The following PALD1 variants were observed in gnomAD, a reference collection of about 807,000 sequenced individuals.
The protein encoded by PALD1 is phosphatase domain containing paladin 1.
Under a neutral mutation model 96.0 loss-of-function variants are expected in PALD1, and 57 were observed. The observed-to-expected ratio is 0.59, with a 90% CI of 0.48 to 0.74. PALD1 has a LOEUF of 0.74. Among genes scored for constraint, PALD1 ranks in the 30% least tolerant of loss-of-function variants. The pLI, the probability that PALD1 is intolerant of heterozygous loss-of-function variation, is 0.00. For missense variants in PALD1, 1,063 were observed against 1,143.7 expected, an observed-to-expected ratio of 0.93 and a Z score of 1.02; for synonymous variants, 464 against 473.6, an observed-to-expected ratio of 0.98 and a Z score of 0.26.
At chr10:70,564,918 C>T (rs981844769) in intron 19 of PALD1, among the ~76,000 whole-genome samples, 13 of 152,198 alleles carry the variant, frequency 8.5e-5, no homozygotes, top group African/African-American at 1.4e-4. Context: ...CTGTGCTCCG[C>T]GAGGGCCTAG....
At chr10:70,565,290 CTGTT>C (rs1303789278) in intron 19 of PALD1, among the ~76,000 whole-genome samples, 1 of 152,242 alleles carries the variant, frequency 6.6e-6, no homozygotes, top group Non-Finnish European at 1.5e-5. Context: ...TGGATCCTCT[CTGTT>C]TGGCCTCCTG....
chr10:70,493,338 T>C (rs10740351), intron 1 of PALD1, among the ~76,000 whole-genome samples: 65,986 of 152,124 alleles, frequency 0.43, 17,001 homozygotes, highest in East Asian at 0.9. Flanking sequence ...CCTTAGTTTC[T>C]CCACCCGTGA....
chr10:70,523,981 G>A (rs1846797533), intron 1 of PALD1, among the ~76,000 whole-genome samples: 2 of 152,186 alleles, frequency 1.3e-5, no homozygotes, highest in South Asian at 4.1e-4. Flanking sequence ...AGGACAGTGA[G>A]CTCAGCCTTC....
At chr10:70,563,857 G>A (rs959293661) in intron 18 of PALD1, among the ~76,000 whole-genome samples, 1 of 152,222 alleles carries the variant, frequency 6.6e-6, no homozygotes, top group African/African-American at 2.4e-5. Flanking sequence ...CCTGCCATCG[G>A]CGCCTCCCAG....
At chr10:70,505,976 G>A (rs867822734) in intron 1 of PALD1, among the ~76,000 whole-genome samples, 1 of 151,684 alleles carries the variant, frequency 6.6e-6, no homozygotes, top group Non-Finnish European at 1.5e-5. Flanking sequence ...AACCGTGATC[G>A]TGCCACTGCA....
the PALD1 span, among the ~76,000 whole-genome samples, chr10:70,471,705 C>T: frequency 1.1e-4 from 16 of 152,306 alleles, no homozygotes; most frequent in African/African-American, 2.6e-4. Context: ...CATTTCTAGG[C>T]GAAAGTCCTA....
At chr10:70,496,162 C>T (rs541259349) in intron 1 of PALD1, among the ~76,000 whole-genome samples, 4 of 152,298 alleles carry the variant, frequency 2.6e-5, no homozygotes, top group African/African-American at 9.6e-5. Context: ...CATGTTCTTA[C>T]CCATAACCCA....
Position 70,534,480 on chromosome 10 carries a change from A to C in PALD1, c.1078A>C (p.Ser360Arg). 1 of 1,613,246 alleles carries C rather than the reference A, an allele frequency of 6.2e-7. No individual in the cohort carries two copies. The highest frequency in any genetic ancestry group is 1.1e-5 in the South Asian group (1 of 90,704). ...TATGGAGCAGTTCCAGGTGATCCAG[A>C]GCTTTCTCCGCATGGTGCCCCAGGG... ...LPMEQFQVIQ[S>R]FLRMVPQGRR... The change falls in exon 9 of 20, where the codon AGC (serine) becomes CGC (arginine). Residue 360 changes from serine to arginine, a missense_variant. Coordinates refer to ENST00000263563, the MANE Select transcript of PALD1 (RefSeq NM_014431.3).
intron 1 of PALD1, among the ~76,000 whole-genome samples, chr10:70,500,842 C>G (rs752955231): frequency 6.6e-6 from 1 of 152,082 alleles, no homozygotes; most frequent in African/African-American, 2.4e-5. Context: ...TAAGTTCCTC[C>G]CATGCCAGGG....
intron 1 of PALD1, among the ~76,000 whole-genome samples, chr10:70,489,378 T>G (rs929995784): frequency 3.3e-5 from 5 of 152,186 alleles, no homozygotes; most frequent in African/African-American, 9.7e-5. Flanking sequence ...TAAAGTTGGT[T>G]GTTTTCATTG....
At chr10:70,527,716 T>G (rs1216971249) in intron 2 of PALD1, among the ~76,000 whole-genome samples, 1 of 152,210 alleles carries the variant, frequency 6.6e-6, no homozygotes, top group African/African-American at 2.4e-5. Context: ...GAGGCAGAGC[T>G]GGAGTGGGAA....
intron 1 of PALD1, among the ~76,000 whole-genome samples, chr10:70,485,172 A>T (rs924134528): frequency 9.9e-4 from 148 of 150,224 alleles, no homozygotes; most frequent in African/African-American, 3.3e-3. Flanking sequence ...TTAAAGTTAA[A>T]TTTTTTTTTT....
intron 1 of PALD1, among the ~76,000 whole-genome samples, chr10:70,508,820 CAGGCCTGTGGGAGCTGCGGAACCTGTG>C: frequency 1.8e-5 from 1 of 55,940 alleles, no homozygotes; most frequent in African/African-American, 9.5e-5. Context: ...TGTGTGTGTG[CAGGCCTGTGGGAGCTGCGGAACCTGTG>C]TGTGTGTGTG....
intron 1 of PALD1, among the ~76,000 whole-genome samples, chr10:70,498,612 G>T (rs1336966062): frequency 1.3e-5 from 2 of 149,278 alleles, no homozygotes; most frequent in African/African-American, 2.5e-5. Context: ...GGCTGTAATT[G>T]TTCTTTTGAG....
At chr10:70,530,900 A>G (rs899541954) in intron 4 of PALD1, among the ~76,000 whole-genome samples, 1 of 152,118 alleles carries the variant, frequency 6.6e-6, no homozygotes, top group Non-Finnish European at 1.5e-5. Context: ...CAAACACCTG[A>G]TTTATCCAGG....
chr10:70,547,763 G>A (rs1433770212), intron 18 of PALD1, among the ~76,000 whole-genome samples: 1 of 152,196 alleles, frequency 6.6e-6, no homozygotes, highest in African/African-American at 2.4e-5. Flanking sequence ...ACACCCAGGA[G>A]CCCTGTGGTG....
chr10:70,539,541 G>T lies in PALD1; in HGVS notation c.1726-39G>T. 2 of 1,544,154 alleles carry T rather than the reference G, an allele frequency of 1.3e-6. No homozygotes were observed. ...GCCTTTCAGGGCTAGCCTAGAGCCTGCCCCAGTGGCCTGTGTCCTCCCTCC... is the reference window on the plus strand; with the variant it reads ...GCCTTTCAGGGCTAGCCTAGAGCCTTCCCCAGTGGCCTGTGTCCTCCCTCC... On this transcript the variant is annotated intron_variant, in intron 14 of 19. Coordinates refer to ENST00000263563, the MANE Select transcript of PALD1 (RefSeq NM_014431.3). This position sits in a 1 kb window ranked among gnomAD's most constrained non-coding sequence, Gnocchi z 4.5.
At chr10:70,529,207 T>TG in intron 2 of PALD1, 22 bp from the exon 3 acceptor site, 1 of 391,778 alleles carries the variant, frequency 2.6e-6, no homozygotes, top group Non-Finnish European at 4.6e-6. Flanking sequence ...GTTTCCATTC[T>TG]GCCCCCCCCC....
Position 70,525,915 on chromosome 10 carries a change from T to C in PALD1, c.-29-8T>C, listed in dbSNP as rs1846850310. 2 of 1,611,322 alleles carry C rather than the reference T, an allele frequency of 1.2e-6. No homozygotes were observed. The highest frequency in any genetic ancestry group is 1.7e-6 in the Non-Finnish European group (2 of 1,178,426). ...CCCTCCTTCACTGCACACCCTCTTA[T>C]CCTACAGGTCTGGGGTCCTGAGGCT... On this transcript the variant is annotated splice_polypyrimidine_tract_variant and splice_region_variant and intron_variant, in intron 1 of 19. Transcript: ENST00000263563.
Sources: allele counts gnomAD v4.1 joint callset (sites outside exome capture counted in the v4.1 genomes callset), GRCh38; gene constraint gnomAD v4.1.1; non-coding constraint Gnocchi (gnomAD v3.1); transcripts MANE v1.5; gene names NCBI Gene and HGNC (gene_info 2026-07-23, HGNC 2026-07-21).